The following PIWIL4 variants were observed in gnomAD, a reference collection of about 807,000 sequenced individuals.
PIWIL4 encodes piwi-like protein 4.
Under a neutral mutation model 100.9 loss-of-function variants are expected in PIWIL4, and 50 were observed. The ratio of observed to expected loss-of-function variants is 0.50; its 90% CI spans 0.39 to 0.63. PIWIL4 has a LOEUF of 0.63. PIWIL4 is among the 20% of genes least tolerant of loss of function. PIWIL4 has a pLI of 0.00. For missense variants in PIWIL4, 887 were observed against 1,043.3 expected, an observed-to-expected ratio of 0.85 and a Z score of 2.06; for synonymous variants, 342 against 367.5, an observed-to-expected ratio of 0.93 and a Z score of 0.79.
intron 8 of PIWIL4, among the ~76,000 whole-genome samples, chr11:94,591,387 C>T (rs1033042183): frequency 7.9e-5 from 12 of 152,206 alleles, no homozygotes; most frequent in African/African-American, 1.7e-4. Flanking sequence ...CTGTCACACA[C>T]GTAGAAGAGC....
In PIWIL4 at chr11:94,575,130, G is replaced by A. The variant is rs1446677801; in HGVS notation, c.298G>A (p.Gly100Ser). The change falls in exon 3 of 20, where the codon GGT becomes AGT. Residue 100 changes from glycine to serine, a missense_variant and splice_region_variant. Around this residue, in one of 2 missense-constraint regions of PIWIL4, gnomAD observed 741 missense variants for 930.0 expected, o/e 0.80. Coordinates refer to ENST00000299001, the MANE Select transcript of PIWIL4 (RefSeq NM_152431.3). ...GGCACATGTGAGAAATTGTAAAACA[G>A]GTACCCAGTTTTATGTCACTTACTT... ...KLAHVRNCKT[G>S]SSGIPVKLVT... is the part of the protein sequence containing the mutation. 1 of 1,612,222 alleles carries A rather than the reference G, an allele frequency of 6.2e-7. No individual in the cohort carries two copies. The highest frequency in any genetic ancestry group is 8.5e-7 in the Non-Finnish European group (1 of 1,179,482).
Position 94,593,505 on chromosome 11 carries a change from T to G in PIWIL4, c.1027-13T>G, listed in dbSNP as rs1948515037. ...CATGTTAACTTTTTACTTATTAATC[T>G]TGCATTTTATAGCAGTATGATATTA... On this transcript the variant is annotated splice_polypyrimidine_tract_variant and intron_variant, in intron 8 of 19. Transcript: ENST00000299001. 3 of 1,610,472 alleles carry G rather than the reference T, an allele frequency of 1.9e-6. No homozygotes were observed. Among genetic ancestry groups the G allele is most frequent in the Non-Finnish European group, 2.5e-6 (3 of 1,178,310 alleles).
chr11:94,607,300 T>C, intron 13 of PIWIL4, 139 bp from the exon 14 acceptor site: 1 of 701,954 alleles, frequency 1.4e-6, no homozygotes, highest in Non-Finnish European at 2.4e-6. Context: ...AAGAGAACTG[T>C]AGGCATGTTA....
chr11:94,619,804 G>A lies in PIWIL4; in HGVS notation c.2213G>A (p.Arg738Gln), dbSNP rs1215460730. The A allele has an allele frequency of 9.3e-6, 15 of 1,614,146 alleles. No homozygotes were observed. In the East Asian group the frequency reaches 1.1e-4, roughly 12 times the overall value. ...GTGGTCAGGAAGAAGTGCATGCCAC[G>A]ATTCTTTACCGAAATGAACCGCACT... ...VIVVRKKCMP[R>Q]FFTEMNRTVQ... The change falls in exon 18 of 20, where the codon CGA (arginine) becomes CAA (glutamine). Residue 738 changes from arginine (R) to glutamine (Q), a missense_variant. Around this residue, in one of 2 missense-constraint regions of PIWIL4, gnomAD observed 741 missense variants for 930.0 expected, o/e 0.80. Transcript: ENST00000299001.
chr11:94,615,209 G>T (rs1948832591), intron 15 of PIWIL4, among the ~76,000 whole-genome samples: 1 of 152,110 alleles, frequency 6.6e-6, no homozygotes, highest in Admixed American at 6.5e-5. Context: ...TTGTTGTTCT[G>T]GTTGAGGCAA....
intron 13 of PIWIL4, among the ~76,000 whole-genome samples, chr11:94,604,547 C>T (rs1948690615): frequency 6.6e-6 from 1 of 152,136 alleles, no homozygotes; most frequent in South Asian, 2.1e-4. Context: ...TGCCTCATTT[C>T]CCAAAGGGCA....
chr11:94,618,072 G>T lies in PIWIL4; in HGVS notation c.2133G>T (p.Leu711=). 1.3e-6 allele frequency: 2 copies of T among 1,595,964 alleles called. No individual in the cohort carries two copies. The highest frequency in any genetic ancestry group is 4.5e-5 in the East Asian group (2 of 44,228). ...KTLIEYEVPQ[L]LSSVAESSSN... ...TTATTGAATATGAAGTCCCACAGCT[G>T]CTGAGCAGTGTGGCAGAATCCAGCT... Residue 711 remains leucine (L), a synonymous_variant, in exon 17 of 20, where the codon CTG becomes CTT. Transcript: ENST00000299001.
chr11:94,588,051 C>T (rs190704864), intron 7 of PIWIL4, among the ~76,000 whole-genome samples: 39 of 152,238 alleles, frequency 2.6e-4, no homozygotes, highest in Non-Finnish European at 5.0e-4. Flanking sequence ...AGCTATCAAC[C>T]ATCACCTAGG....
At chr11:94,617,909 G>C in intron 16 of PIWIL4, 45 bp from the exon 17 acceptor site, 1 of 1,587,634 alleles carries the variant, frequency 6.3e-7, no homozygotes, top group Non-Finnish European at 8.6e-7. Context: ...TTTTTTGTTG[G>C]CATTAGAAAA....
chr11:94,606,857 A>C (rs1948726594), intron 13 of PIWIL4, among the ~76,000 whole-genome samples: 2 of 149,432 alleles, frequency 1.3e-5, no homozygotes, highest in South Asian at 4.2e-4. Context: ...AAGCCAGGGG[A>C]CTTGAAACTT....
At chr11:94,608,548 C>T in intron 14 of PIWIL4, 35 bp from the exon 15 acceptor site, 6 of 1,553,746 alleles carry the variant, frequency 3.9e-6, no homozygotes, top group Non-Finnish European at 5.3e-6. Context: ...AATGATACCT[C>T]ATCCCATTAA....
At chr11:94,598,183 G>A (rs959957234) in intron 11 of PIWIL4, among the ~76,000 whole-genome samples, 3 of 152,128 alleles carry the variant, frequency 2.0e-5, no homozygotes, top group Non-Finnish European at 2.9e-5. Context: ...ATCTTCTGTT[G>A]GGTGGTGCAT....
intron 10 of PIWIL4, among the ~76,000 whole-genome samples, chr11:94,596,776 C>T (rs142744893): frequency 1.9e-4 from 29 of 152,232 alleles, no homozygotes; most frequent in African/African-American, 6.5e-4. Context: ...CCAATGATGG[C>T]CTCACTCATC....
At chr11:94,615,908 G>C (rs535514413) in intron 15 of PIWIL4, among the ~76,000 whole-genome samples, 2 of 148,874 alleles carry the variant, frequency 1.3e-5, no homozygotes, top group African/African-American at 5.0e-5. Flanking sequence ...ATTAATGGTG[G>C]TAGTAAGAGA....
Position 94,597,730 on chromosome 11 carries a change from A to C in PIWIL4, c.1269-74A>C, listed in dbSNP as rs1008380079. On this transcript the variant is annotated intron_variant, in intron 10 of 19. Coordinates refer to ENST00000299001, the MANE Select transcript of PIWIL4 (RefSeq NM_152431.3). ...AAGCCAGGAATCCTGAAGACACAGA[A>C]AATCAGCCCCTGACGAATTCAGTAA... 13 of 1,060,238 alleles carry C rather than the reference A, an allele frequency of 1.2e-5. No individual in the cohort carries two copies. The African/African-American group carries it at 2.0e-4, about 16-fold the overall frequency. The allele number at this position is 1,060,238 out of a possible 1,614,324, so 65.7% of individuals were successfully genotyped here. A position where few individuals can be genotyped will look rare whatever the true frequency, so the allele number is the denominator to read the frequency against.
In PIWIL4 at chr11:94,619,769, G is replaced by A. The variant is rs755697156; in HGVS notation, c.2178G>A (p.Leu726=). The A allele has an allele frequency of 1.9e-5, 31 of 1,613,816 alleles. No homozygotes were observed. Among genetic ancestry groups the A allele is most frequent in the Non-Finnish European group, 2.5e-5 (30 of 1,179,954 alleles). ...AESSSNTSSR[L]SVIVVRKKCM... is the part of the protein sequence containing the mutation. Reference sequence around the variant, plus strand: ...CCTCTCTAATTTTTAGCTCAAGACTGTCGGTGATTGTGGTCAGGAAGAAGT... The same window carrying A: ...CCTCTCTAATTTTTAGCTCAAGACTATCGGTGATTGTGGTCAGGAAGAAGT... The change falls in exon 18 of 20, where the codon CTG becomes CTA. Residue 726 remains leucine, a synonymous_variant. Coordinates refer to ENST00000299001, the MANE Select transcript of PIWIL4 (RefSeq NM_152431.3).
At position 94,604,006 on chromosome 11, in the gene PIWIL4, G is replaced by T. The variant is rs1484548518; in HGVS notation, c.1588G>T (p.Ala530Ser). 1.2e-6 allele frequency: 2 copies of T among 1,606,756 alleles called. No individual in the cohort carries two copies. Among genetic ancestry groups the T allele is most frequent in the African/African-American group, 1.3e-5 (1 of 74,764 alleles). ...PKIIKVQENP[A>S]AFVRAIQQYV... ...TAGCATAAAAGTACAAGAAAATCCA[G>T]CTGCATTTGTTAGAGCTATACAGCA... is the stretch of plus-strand genomic sequence containing the variant. The change falls in exon 13 of 20, where the codon GCT (alanine) becomes TCT (serine). Residue 530 changes from alanine (A) to serine (S), a missense_variant. Transcript: ENST00000299001.
intron 2 of PIWIL4, among the ~76,000 whole-genome samples, chr11:94,572,327 C>T (rs2135235337): frequency 6.6e-6 from 1 of 152,224 alleles, no homozygotes; most frequent in East Asian, 1.9e-4. Flanking sequence ...CTTTTGTTGC[C>T]ATTGCTTTTG....
At chr11:94,601,083 G>A (rs988047173) in intron 11 of PIWIL4, among the ~76,000 whole-genome samples, 2 of 150,658 alleles carry the variant, frequency 1.3e-5, no homozygotes, top group Non-Finnish European at 2.9e-5. Context: ...CTCGGCTTAC[G>A]AGATGAAAGG....
Sources: gnomAD v4.1 joint callset for allele counts (sites outside exome capture counted in the v4.1 genomes callset) on GRCh38, gnomAD v4.1.1 for gene constraint, gnomAD v4.1.1 regional missense constraint, MANE v1.5 for transcripts, NCBI Gene and HGNC (gene_info 2026-07-23, HGNC 2026-07-21) for gene names.